MAML3: variants seen among roughly 807,000 people sequenced by gnomAD.
MAML3 encodes mastermind-like protein 3.
MAML3 carries 27 observed loss-of-function variants against 101.9 expected under a neutral mutation model. The observed-to-expected ratio is 0.27, with a 90% confidence interval of 0.20 to 0.37. MAML3 has a LOEUF of 0.37. MAML3 is among the 10% of genes least tolerant of loss of function. MAML3 has a pLI of 1.00. For synonymous variants in MAML3, 501 were observed against 555.9 expected, an observed-to-expected ratio of 0.90 and a Z score of 1.39; for missense variants, 1,316 against 1,444.9, an observed-to-expected ratio of 0.91 and a Z score of 1.45.
chr4:139,989,554 G>A (rs750088908), intron 1 of MAML3, among the ~76,000 whole-genome samples: 17 of 151,930 alleles, frequency 1.1e-4, no homozygotes, highest in Non-Finnish European at 2.4e-4. Context: ...TATGACTCAC[G>A]GTCCATGAGT....
chr4:139,777,469 A>G (rs548358411), intron 2 of MAML3, among the ~76,000 whole-genome samples: 1 of 152,366 alleles, frequency 6.6e-6, no homozygotes, highest in East Asian at 1.9e-4. Context: ...GCTTGGACCC[A>G]GCCAGGAGGA....
intron 1 of MAML3, among the ~76,000 whole-genome samples, chr4:140,096,846 T>C (rs528229948): frequency 6.6e-6 from 1 of 152,266 alleles, no homozygotes; most frequent in African/African-American, 2.4e-5. Flanking sequence ...ATTTTCTACC[T>C]GCAGAGAAAA....
rs929783064 is a variant in MAML3 at position 140,110,929 on chromosome 4, C to T, written c.468+41931G>A. ...TCATATGATGGAATACATACCAACCCATGAAAGGACAAGAGTGATGTAATT... is the reference window on the plus strand; with the variant it reads ...TCATATGATGGAATACATACCAACCTATGAAAGGACAAGAGTGATGTAATT... On this transcript the variant is annotated intron_variant, in intron 1 of 4. Coordinates refer to ENST00000509479, the MANE Select transcript of MAML3 (RefSeq NM_018717.5). 9.2e-5 allele frequency among the ~76,000 whole-genome samples: 14 copies of T among 152,196 alleles called. 1 individual carries two copies. In the East Asian group the frequency reaches 2.7e-3, roughly 29 times the overall value.
intron 2 of MAML3, among the ~76,000 whole-genome samples, chr4:139,860,048 G>A (rs1731744056): frequency 6.6e-6 from 1 of 152,316 alleles, no homozygotes. Flanking sequence ...TCAGCGAGAC[G>A]TGCTGCCGTT....
intron 1 of MAML3, among the ~76,000 whole-genome samples, chr4:140,023,180 C>A (rs6536642): frequency 0.013 from 1,946 of 152,216 alleles, 44 homozygotes; most frequent in African/African-American, 0.043. Context: ...GAACTCTGAA[C>A]CAGGAAGAGA....
At chr4:139,831,709 G>A (rs1166255580) in intron 2 of MAML3, among the ~76,000 whole-genome samples, 10 of 151,892 alleles carry the variant, frequency 6.6e-5, no homozygotes, top group Non-Finnish European at 1.3e-4. Context: ...TGGGCGTGTG[G>A]CCAGGAGAAA....
chr4:139,934,489 G>A (rs969193310), intron 1 of MAML3, among the ~76,000 whole-genome samples: 7 of 151,982 alleles, frequency 4.6e-5, no homozygotes, highest in South Asian at 2.1e-4. Flanking sequence ...TGCATGCGGC[G>A]GTGATGTCAC....
rs996757226 is a variant in MAML3 at position 139,828,712 on chromosome 4, CTTTT to C, written c.2079+60641_2079+60644del. Among the ~76,000 whole-genome samples, 291 of 128,698 alleles carry C rather than the reference CTTTT, an allele frequency of 2.3e-3. 1 individual carries two copies. Among genetic ancestry groups the C allele is most frequent in the Middle Eastern group, 0.013 (3 of 230 alleles). The allele number at this position is 128,698 out of a possible 152,430, so 84.4% of individuals were successfully genotyped here. A position where few individuals can be genotyped will look rare whatever the true frequency, so the allele number is the denominator to read the frequency against. ...AGAAGGCTTTGCAGAAGATGCACTT[CTTTT>C]TTTTTTTTTTTTTTTTAAAAACATA... is the stretch of plus-strand genomic sequence containing the variant. On this transcript the variant is annotated intron_variant, in intron 2 of 4. Coordinates refer to ENST00000509479, the MANE Select transcript of MAML3 (RefSeq NM_018717.5).
chr4:140,064,648 A>G (rs1353546890), intron 1 of MAML3, among the ~76,000 whole-genome samples: 1 of 152,058 alleles, frequency 6.6e-6, no homozygotes, highest in Admixed American at 6.6e-5. Context: ...GTCCCTTTTG[A>G]CTCTGCTGTG....
intron 2 of MAML3, among the ~76,000 whole-genome samples, chr4:139,769,816 T>C (rs1351115160): frequency 6.6e-6 from 1 of 152,040 alleles, no homozygotes; most frequent in Non-Finnish European, 1.5e-5. Flanking sequence ...GGTTTCTCCA[T>C]GTTGGTCAGG....
chr4:140,092,253 C>T (rs2110983996), intron 1 of MAML3, among the ~76,000 whole-genome samples: 1 of 152,034 alleles, frequency 6.6e-6, no homozygotes, highest in East Asian at 1.9e-4. Context: ...AGGTGCCTTC[C>T]TCCTGCAAGG....
chr4:139,773,373 C>T (rs1730033281), intron 2 of MAML3, among the ~76,000 whole-genome samples: 1 of 152,188 alleles, frequency 6.6e-6, no homozygotes, highest in South Asian at 2.1e-4. Context: ...TCTCGCAATG[C>T]TTCAGGTTCT....
rs1430628617 is a variant in MAML3 at position 139,945,761 on chromosome 4, C to T, written c.469-54794G>A. Among the ~76,000 whole-genome samples the T allele has an allele frequency of 6.6e-5, 10 of 152,286 alleles. No homozygotes were observed. In the South Asian group the frequency reaches 1.7e-3, roughly 25 times the overall value. ...AAATTTTATTTAAATTGTTGAAATGCTTAATTCCTCCAGATCATGATTTTG... is the reference window on the plus strand; with the variant it reads ...AAATTTTATTTAAATTGTTGAAATGTTTAATTCCTCCAGATCATGATTTTG... On this transcript the variant is annotated intron_variant, in intron 1 of 4. Transcript: ENST00000509479.
At chr4:139,875,431 C>T (rs1732095238) in intron 2 of MAML3, among the ~76,000 whole-genome samples, 1 of 152,212 alleles carries the variant, frequency 6.6e-6, no homozygotes, top group South Asian at 2.1e-4. Flanking sequence ...GCCAATTTAA[C>T]ACTCTGCCAA....
chr4:139,725,711 A>G lies in MAML3; in HGVS notation c.2416+40T>C, dbSNP rs748296908. 1.9e-6 allele frequency: 3 copies of G among 1,585,152 alleles called. No individual in the cohort carries two copies. In the African/African-American group the frequency reaches 4.0e-5, roughly 21 times the overall value. ...GCTACACATTCACTTACGCTTCACCACTGGAAGGTATAAAATGAGAGAGGT... is the reference window on the plus strand; with the variant it reads ...GCTACACATTCACTTACGCTTCACCGCTGGAAGGTATAAAATGAGAGAGGT... On this transcript the variant is annotated intron_variant, in intron 4 of 4. Coordinates refer to ENST00000509479, the MANE Select transcript of MAML3 (RefSeq NM_018717.5).
chr4:140,124,799 G>A (rs1448074736), intron 1 of MAML3, among the ~76,000 whole-genome samples: 1 of 152,104 alleles, frequency 6.6e-6, no homozygotes, highest in Non-Finnish European at 1.5e-5. Flanking sequence ...ATATAGAAAA[G>A]CCCTGGTGCA....
chr4:139,729,156 C>CAAAAAAAA (rs4057275), intron 3 of MAML3, among the ~76,000 whole-genome samples: 24 of 81,686 alleles, frequency 2.9e-4, no homozygotes, highest in South Asian at 5.3e-4. Context: ...GGAACAAAAG[C>CAAAAAAAA]AAAAAAAAAA....
chr4:139,858,445 T>C (rs1578633652), intron 2 of MAML3, among the ~76,000 whole-genome samples: 1 of 116,162 alleles, frequency 8.6e-6, no homozygotes, highest in South Asian at 3.5e-4. Context: ...AGCCTGATGA[T>C]TCTTGGCTTT....
In MAML3 at chr4:139,991,557, A is replaced by G. The variant is rs533614774; in HGVS notation, c.469-100590T>C. 2.0e-5 allele frequency among the ~76,000 whole-genome samples: 3 copies of G among 152,356 alleles called. No individual in the cohort carries two copies. The East Asian group carries it at 5.8e-4, about 29-fold the overall frequency. On this transcript the variant is annotated intron_variant, in intron 1 of 4. Transcript: ENST00000509479. ...TTACTAACTTTAAATGGTAATACTA[A>G]TATCATTTAATACATATTTCCAACA...
Sources: allele counts gnomAD v4.1 joint callset (sites outside exome capture counted in the v4.1 genomes callset), GRCh38; gene constraint gnomAD v4.1.1; transcripts MANE v1.5; gene names NCBI Gene and HGNC (gene_info 2026-07-23, HGNC 2026-07-21).